Variants in SLC22A25 observed in about 807,000 individuals in gnomAD.
SLC22A25 encodes solute carrier family 22 member 25.
A neutral mutation model predicts 45.9 loss-of-function variants in SLC22A25; 44 were observed. The ratio of observed to expected loss-of-function variants is 0.96; its 90% CI spans 0.75 to 1.23. The LOEUF is 1.23. SLC22A25 is among the 50% of genes most tolerant of loss of function. The pLI, the probability that SLC22A25 is intolerant of heterozygous loss-of-function variation, is 0.00. For synonymous variants in SLC22A25, 283 were observed against 238.6 expected (o/e 1.19, Z -1.72); for missense variants, 800 against 666.4 (o/e 1.20, Z -2.21).
chr11:63,207,466 A>G (rs2089437527), intron 7 of SLC22A25, among the ~76,000 whole-genome samples: 1 of 152,246 alleles, frequency 6.6e-6, no homozygotes, highest in South Asian at 2.1e-4. Flanking sequence ...ATATGACCAG[A>G]CACTTCTCAA....
chr11:63,194,139 C>T (rs1167258749), intron 7 of SLC22A25, among the ~76,000 whole-genome samples: 31 of 152,048 alleles, frequency 2.0e-4, no homozygotes, highest in Admixed American at 1.0e-3. Context: ...AAATGAACAA[C>T]GCCTCCAAGA....
chr11:63,217,979 AAT>A, intron 5 of SLC22A25: 1 of 627,696 alleles, frequency 1.6e-6, no homozygotes, highest in Non-Finnish European at 2.9e-6. Flanking sequence ...CATTGATACA[AAT>A]TCAAAACATG....
chr11:63,173,805 A>G (rs1381047715), intron 9 of SLC22A25, among the ~76,000 whole-genome samples: 1 of 152,016 alleles, frequency 6.6e-6, no homozygotes, highest in East Asian at 1.9e-4. Context: ...GTAAGTAGAC[A>G]TCCTTGAACT....
In SLC22A25 at chr11:63,229,305, A is replaced by C. The variant is rs760856225; in HGVS notation, c.348T>G (p.Cys116Trp). The C allele has an allele frequency of 1.9e-6, 3 of 1,602,664 alleles. No homozygotes were observed. Among genetic ancestry groups the C allele is most frequent in the Non-Finnish European group, 1.7e-6 (2 of 1,173,622 alleles). The change falls in exon 4 of 12, where the codon TGT (cysteine) becomes TGG (tryptophan). Residue 116 changes from cysteine (C) to tryptophan (W), a missense_variant. Physicochemically the swap from Cys to Trp is radical, Grantham distance 215. Transcript: ENST00000306494. ...TTTGGTCATATACCCAGCCATCCACACAGGGCTCTGTATCTGGCTCACTCG... is the reference window on the plus strand; with the variant it reads ...TTTGGTCATATACCCAGCCATCCACCCAGGGCTCTGTATCTGGCTCACTCG... ...PNTSEPDTEP[C>W]VDGWVYDQSS...
In SLC22A25 at chr11:63,159,861, T is replaced by C. The variant is rs1329649029; in HGVS notation, c.*3963A>G. Reference sequence around the variant, plus strand: ...CAGATGAAGATGAAGAACTTGTTGGTAACTGGAGTAAAGGTGACTCTTGCT... The same window carrying C: ...CAGATGAAGATGAAGAACTTGTTGGCAACTGGAGTAAAGGTGACTCTTGCT... On this transcript the variant is annotated 3_prime_UTR_variant, in exon 12 of 12. Transcript: ENST00000306494. 6.6e-6 allele frequency among the ~76,000 whole-genome samples: 1 copy of C among 152,196 alleles called. No homozygotes were observed. The highest frequency in any genetic ancestry group is 6.5e-5 in the Admixed American group (1 of 15,282).
At chr11:63,175,668 T>C (rs1033112485) in intron 9 of SLC22A25, among the ~76,000 whole-genome samples, 1 of 152,046 alleles carries the variant, frequency 6.6e-6, no homozygotes, top group Non-Finnish European at 1.5e-5. Context: ...CATGAAATAA[T>C]TGCCAAAACT....
At chr11:63,234,394 G>A (rs1305816116) in intron 3 of SLC22A25, among the ~76,000 whole-genome samples, 4 of 152,052 alleles carry the variant, frequency 2.6e-5, no homozygotes, top group African/African-American at 9.7e-5. Flanking sequence ...TTATGTAATG[G>A]CCTTCTTTGT....
At position 63,159,761 on chromosome 11, in the gene SLC22A25, C is replaced by G. The variant is rs1396869388; in HGVS notation, c.*4063G>C. On this transcript the variant is annotated 3_prime_UTR_variant, in exon 12 of 12. Coordinates refer to ENST00000306494, the MANE Select transcript of SLC22A25 (RefSeq NM_199352.6). The stretch of plus-strand genomic sequence containing the variant: ...AAAATGTTGGAAAGTTTGGAACTTC[C>G]TAGAGACTTGTTGAATGGCTTTGAC... Among the ~76,000 whole-genome samples the G allele has an allele frequency of 6.6e-6, 1 of 152,140 alleles. No homozygotes were observed. Among genetic ancestry groups the G allele is most frequent in the African/African-American group, 2.4e-5 (1 of 41,434 alleles).
In SLC22A25 at chr11:63,167,255, G is replaced by C. The variant is rs551654763; in HGVS notation, c.1071-997C>G. On this transcript the variant is annotated intron_variant, in intron 9 of 11. Coordinates refer to ENST00000306494, the MANE Select transcript of SLC22A25 (RefSeq NM_199352.6). ...CTAGGTGGCTGTTTGGGGAGACACT[G>C]AGCTAGCTGCAGGAGTTTTTTTTTT... is the stretch of plus-strand genomic sequence containing the variant. 3.7e-3 allele frequency: 563 copies of C among 151,656 alleles called. 4 individuals carry two copies. Among genetic ancestry groups the C allele is most frequent in the African/African-American group, 0.013 (533 of 41,074 alleles). 9.4% of individuals were successfully genotyped at this position (151,656 alleles called of 1,614,324 possible).
chr11:63,236,978 G>T (rs1314015343), intron 3 of SLC22A25, among the ~76,000 whole-genome samples: 1 of 152,186 alleles, frequency 6.6e-6, no homozygotes, highest in Non-Finnish European at 1.5e-5. Flanking sequence ...TCCATGTCAT[G>T]AAATATCTGT....
intron 2 of SLC22A25, among the ~76,000 whole-genome samples, 158 bp from the exon 3 acceptor site, chr11:63,238,170 C>G (rs1165855478): frequency 1.3e-5 from 2 of 152,208 alleles, no homozygotes; most frequent in African/African-American, 4.8e-5. Context: ...TGACCTTTAT[C>G]ATTCAGGTCT....
intron 7 of SLC22A25, among the ~76,000 whole-genome samples, chr11:63,185,157 T>G (rs983288873): frequency 2.0e-5 from 3 of 152,166 alleles, no homozygotes; most frequent in African/African-American, 7.2e-5. Flanking sequence ...TTTATTATAC[T>G]TTAAGGTTTA....
chr11:63,219,675 G>T (rs1052347366), intron 5 of SLC22A25, among the ~76,000 whole-genome samples: 2 of 152,048 alleles, frequency 1.3e-5, no homozygotes, highest in Non-Finnish European at 2.9e-5. Flanking sequence ...TTTCCCCCCA[G>T]GTTTGTGATA....
At chr11:63,243,218 AGT>A (rs2090279704) in intron 1 of SLC22A25, 1 of 289,524 alleles carries the variant, frequency 3.5e-6, no homozygotes, top group African/African-American at 2.2e-5. Context: ...TCCTACTTCA[AGT>A]GTGTGCAGAA....
chr11:63,197,953 A>G (rs139372809), intron 7 of SLC22A25, among the ~76,000 whole-genome samples: 44 of 152,370 alleles, frequency 2.9e-4, no homozygotes, highest in African/African-American at 9.1e-4. Flanking sequence ...ACATTTATGC[A>G]GCCAAAAAAC....
At chr11:63,243,286 A>G in intron 1 of SLC22A25, 148 bp downstream of exon 1, 1 of 415,824 alleles carries the variant, frequency 2.4e-6, no homozygotes. Context: ...TGGCCATTTG[A>G]TTGGTGGCCA....
chr11:63,186,351 A>C (rs187926874), intron 7 of SLC22A25, among the ~76,000 whole-genome samples: 121 of 151,500 alleles, frequency 8.0e-4, no homozygotes, highest in African/African-American at 2.7e-3. Flanking sequence ...TCTTTTGAGA[A>C]GTGTCTGTTC....
At chr11:63,206,259 C>T (rs1029955493) in intron 7 of SLC22A25, among the ~76,000 whole-genome samples, 5 of 152,238 alleles carry the variant, frequency 3.3e-5, no homozygotes, top group Admixed American at 2.0e-4. Context: ...TACTCCTATT[C>T]AACATAGTAT....
In SLC22A25 at chr11:63,159,224, T is replaced by C. The variant is rs1166942313; in HGVS notation, c.*4600A>G. On this transcript the variant is annotated 3_prime_UTR_variant, in exon 12 of 12. Coordinates refer to ENST00000306494, the MANE Select transcript of SLC22A25 (RefSeq NM_199352.6). The stretch of plus-strand genomic sequence containing the variant: ...AACAGTTCTGCAACAAATGTGGGAG[T>C]GCAGATACGTCTTTGATATACTTAT... 6.6e-6 allele frequency among the ~76,000 whole-genome samples: 1 copy of C among 152,106 alleles called. No individual in the cohort carries two copies.
Sources: gnomAD v4.1 joint callset for allele counts (sites outside exome capture counted in the v4.1 genomes callset) on GRCh38, gnomAD v4.1.1 for gene constraint, MANE v1.5 for transcripts, NCBI Gene and HGNC (gene_info 2026-07-23, HGNC 2026-07-21) for gene names.